Variants in AGBL1 observed in about 807,000 individuals in gnomAD.
AGBL1 encodes the protein AGBL carboxypeptidase 1.
A neutral mutation model predicts 118.9 loss-of-function variants in AGBL1; 130 were observed. The ratio of observed to expected loss-of-function variants is 1.09; its 90% confidence interval spans 0.95 to 1.26. The LOEUF (loss-of-function observed/expected upper bound fraction) is 1.26, where lower values mean the gene tolerates loss of function less well. Among genes scored for constraint, AGBL1 ranks in the 50% most tolerant of loss-of-function variants. The probability of loss-of-function intolerance (pLI) is 0.00; values close to 1 mark genes in which losing one functional copy is unlikely to be tolerated. For synonymous variants in AGBL1, 555 were observed against 478.9 expected (o/e 1.16, Z -2.08); for missense variants, 1,584 against 1,298.1 (o/e 1.22, Z -3.38).
chr15:86,389,974 A>C (rs2081252486), intron 17 of AGBL1, among the ~76,000 whole-genome samples: 1 of 152,140 alleles, frequency 6.6e-6, no homozygotes, highest in African/African-American at 2.4e-5. Context: ...ATTAAGATAA[A>C]ACAGTGCTAG....
rs542259731 is a variant in AGBL1, at chr15:86,468,790, G to A, written c.2556-54020G>A. Among the ~76,000 whole-genome samples the A allele has an allele frequency of 1.5e-4, 23 of 152,232 alleles. No individual in the cohort carries two copies. In the South Asian group the frequency reaches 4.8e-3, roughly 32 times the overall value. The stretch of plus-strand genomic sequence containing the variant: ...TATGGTATTAAAAGAGTGTTTTGTA[G>A]GATAGACATGAGAGGGGATGTAAAG... On this transcript the variant is annotated intron_variant, in intron 18 of 22. Coordinates refer to ENST00000614907, the MANE Select transcript of AGBL1 (RefSeq NM_001386094.1).
At chr15:86,508,582 T>C (rs2083012109) in intron 18 of AGBL1, among the ~76,000 whole-genome samples, 1 of 152,070 alleles carries the variant, frequency 6.6e-6, no homozygotes, top group Non-Finnish European at 1.5e-5. Context: ...GATTAAATGA[T>C]AAATATAGCT....
intron 21 of AGBL1, among the ~76,000 whole-genome samples, chr15:86,651,085 A>G (rs2085361203): frequency 6.6e-6 from 1 of 152,204 alleles, no homozygotes; most frequent in African/African-American, 2.4e-5. Flanking sequence ...ATATTCCCCC[A>G]ACATACAACT....
At chr15:86,920,950 A>C (rs2080476382), downstream of AGBL1, among the ~76,000 whole-genome samples, 1 of 152,152 alleles carries the variant, frequency 6.6e-6, no homozygotes, top group Non-Finnish European at 1.5e-5. Flanking sequence ...ATCCACTTTG[A>C]GGTTTTGCAA....
chr15:86,603,494 C>T (rs886894346), intron 21 of AGBL1, among the ~76,000 whole-genome samples: 13 of 152,036 alleles, frequency 8.6e-5, no homozygotes, highest in Non-Finnish European at 1.6e-4. Context: ...ACACAGGCTT[C>T]CTGTCCCCCT....
At chr15:86,712,624 C>T (rs2086578239) in intron 22 of AGBL1, among the ~76,000 whole-genome samples, 4 of 152,176 alleles carry the variant, frequency 2.6e-5, no homozygotes, top group Admixed American at 2.6e-4. Flanking sequence ...TTTGGATTCA[C>T]TGTGCAGCAG....
At chr15:86,751,917 A>G (rs1260963222) in intron 22 of AGBL1, among the ~76,000 whole-genome samples, 1 of 152,142 alleles carries the variant, frequency 6.6e-6, no homozygotes, top group Non-Finnish European at 1.5e-5. Context: ...CCAGAATTTT[A>G]GAGATGTTCA....
chr15:86,712,154 T>A (rs758550860), intron 22 of AGBL1, among the ~76,000 whole-genome samples: 95 of 152,306 alleles, frequency 6.2e-4, no homozygotes, highest in African/African-American at 3.4e-4. Flanking sequence ...AGTATAGACA[T>A]TTTAAGTGAC....
chr15:86,283,866 A>C (rs1022221618), intron 16 of AGBL1, among the ~76,000 whole-genome samples: 7 of 152,136 alleles, frequency 4.6e-5, no homozygotes, highest in Admixed American at 1.3e-4. Context: ...GGCACAAAGA[A>C]AGAAAGCTTT....
rs1301160733 is a variant in AGBL1 at position 86,554,367 on chromosome 15, C to G, written c.2824C>G (p.Pro942Ala). The G allele has an allele frequency of 6.3e-7, 1 of 1,576,710 alleles. No homozygotes were observed. Among genetic ancestry groups the G allele is most frequent in the Admixed American group, 1.9e-5 (1 of 53,394 alleles). The change falls in exon 21 of 23, where the codon CCC (proline) becomes GCC (alanine). Residue 942 changes from proline (P) to alanine (A), a missense_variant. Transcript: ENST00000614907. The stretch of plus-strand genomic sequence containing the variant: ...ATTTTTGTTTTTACTGTAGACTCTT[C>G]CCAAAATCCTTGATAAGCTAGCACC... ...ILEEVNYRTL[P>A]KILDKLAPAF...
intron 20 of AGBL1, among the ~76,000 whole-genome samples, chr15:86,550,570 A>G (rs1007064909): frequency 6.6e-6 from 1 of 152,144 alleles, no homozygotes; most frequent in Admixed American, 6.6e-5. Context: ...TTAATCAGCA[A>G]GGTGTAACAA....
At chr15:86,148,171 G>A (rs2077057182) in intron 3 of AGBL1, among the ~76,000 whole-genome samples, 2 of 152,314 alleles carry the variant, frequency 1.3e-5, no homozygotes, top group Admixed American at 1.3e-4. Context: ...GAAAGATGGG[G>A]AGAAACCAGA....
intron 18 of AGBL1, among the ~76,000 whole-genome samples, chr15:86,467,998 T>C (rs561170376): frequency 6.6e-6 from 1 of 152,120 alleles, no homozygotes; most frequent in Non-Finnish European, 1.5e-5. Flanking sequence ...TTCCTTTATT[T>C]TCTTTTACTA....
intron 14 of AGBL1, among the ~76,000 whole-genome samples, 162 bp downstream of exon 14, chr15:86,270,229 C>T (rs2079137460): frequency 6.6e-6 from 1 of 152,190 alleles, no homozygotes; most frequent in African/African-American, 2.4e-5. Context: ...CTCAGTGGCA[C>T]ACTGCTACTT....
At chr15:86,272,586 G>A (rs772916183) in intron 15 of AGBL1, among the ~76,000 whole-genome samples, 1 of 152,158 alleles carries the variant, frequency 6.6e-6, no homozygotes, top group Non-Finnish European at 1.5e-5. Flanking sequence ...AAGAAACAGA[G>A]TATATACCCT....
rs148706912 is a variant in AGBL1, at chr15:86,508,309, T to C, written c.2556-14501T>C. Among the ~76,000 whole-genome samples, 41 of 152,124 alleles carry C rather than the reference T, an allele frequency of 2.7e-4. No individual in the cohort carries two copies. In the Middle Eastern group the frequency reaches 0.014, roughly 50 times the overall value. ...CAGGTTGTGGAAGATCTGGATAGAA[T>C]TGAAACCAACACAAAAGCTTTTCTG... On this transcript the variant is annotated intron_variant, in intron 18 of 22. Coordinates refer to ENST00000614907, the MANE Select transcript of AGBL1 (RefSeq NM_001386094.1).
chr15:86,556,280 C>G (rs1171738725), intron 21 of AGBL1: 14 of 1,611,772 alleles, frequency 8.7e-6, no homozygotes, highest in Non-Finnish European at 1.2e-5. Context: ...AGTGGATGGC[C>G]TTCAGGTATT....
rs1351700359 is a variant in AGBL1, at chr15:86,267,085, G to A, written c.1838+9G>A. 1 of 1,554,390 alleles carries A rather than the reference G, an allele frequency of 6.4e-7. No individual in the cohort carries two copies. The highest frequency in any genetic ancestry group is 1.4e-5 in the African/African-American group (1 of 73,428). On this transcript the variant is annotated intron_variant, in intron 13 of 22. Transcript: ENST00000614907. ...GCCATCCAAGTGCGTGAGTAAGTAAGGAAAACCACAGTGGGTGTCTCCTGT... is the reference window on the plus strand; with the variant it reads ...GCCATCCAAGTGCGTGAGTAAGTAAAGAAAACCACAGTGGGTGTCTCCTGT...
intron 18 of AGBL1, among the ~76,000 whole-genome samples, chr15:86,474,978 C>G (rs2082536240): frequency 6.6e-6 from 1 of 152,200 alleles, no homozygotes; most frequent in Admixed American, 6.5e-5. Context: ...TGGAGTGGAC[C>G]TCCGGCAAAC....
Sources: gnomAD v4.1 joint callset for allele counts (sites outside exome capture counted in the v4.1 genomes callset) on GRCh38, gnomAD v4.1.1 for gene constraint, MANE v1.5 for transcripts, NCBI Gene and HGNC (gene_info 2026-07-23, HGNC 2026-07-21) for gene names.